IL1RAPL2: variants seen among roughly 807,000 people sequenced by gnomAD.
IL1RAPL2 encodes the protein X-linked interleukin-1 receptor accessory protein-like 2.
IL1RAPL2 carries 3 observed loss-of-function variants against 44.1 expected under a neutral mutation model. The ratio of observed to expected loss-of-function variants is 0.07; its 90% CI spans 0.03 to 0.18. IL1RAPL2 has a LOEUF of 0.18. Among genes scored for constraint, IL1RAPL2 ranks in the 10% least tolerant of loss-of-function variants. The probability of loss-of-function intolerance (pLI) is 1.00; values close to 1 mark genes in which losing one functional copy is unlikely to be tolerated. For missense variants in IL1RAPL2, 391 were observed against 496.4 expected, an observed-to-expected ratio of 0.79 and a Z score of 2.02; for synonymous variants, 181 against 178.8, an observed-to-expected ratio of 1.01 and a Z score of -0.10.
intron 5 of IL1RAPL2, among the ~76,000 whole-genome samples, chrX:105,373,929 G>T (rs906412546): frequency 5.5e-5 from 6 of 109,115 alleles, no homozygotes; most frequent in African/African-American, 2.0e-4. Flanking sequence ...GACCAGCCTG[G>T]CCATCCTGGT....
chrX:105,394,470 A>G (rs943650206), intron 5 of IL1RAPL2, among the ~76,000 whole-genome samples: 1 of 111,354 alleles, frequency 9.0e-6, no homozygotes, highest in Non-Finnish European at 1.9e-5. Flanking sequence ...GTCAACTGGC[A>G]TTATATTAGT....
At chrX:105,190,070 CAA>C (rs2033620841) in intron 2 of IL1RAPL2, among the ~76,000 whole-genome samples, 2 of 111,810 alleles carry the variant, frequency 1.8e-5, no homozygotes, top group South Asian at 7.5e-4. Context: ...GTGGAAATAA[CAA>C]GAGTCCCTCC....
chrX:105,090,985 T>A (rs2032537623), intron 2 of IL1RAPL2, among the ~76,000 whole-genome samples: 1 of 112,274 alleles, frequency 8.9e-6, no homozygotes, highest in African/African-American at 3.2e-5. Context: ...TATTGAGCTC[T>A]GCTTTGGTGG....
intron 2 of IL1RAPL2, among the ~76,000 whole-genome samples, chrX:104,842,503 T>C (rs953550207): frequency 1.8e-5 from 2 of 112,140 alleles, no homozygotes; most frequent in Non-Finnish European, 3.8e-5. Context: ...ATTTTTGCAC[T>C]GTTTTTCCCT....
intron 2 of IL1RAPL2, among the ~76,000 whole-genome samples, chrX:104,911,176 C>A (rs1192190584): frequency 2.7e-5 from 3 of 111,780 alleles, no homozygotes; most frequent in Admixed American, 1.9e-4. Context: ...CGCCCAAAGA[C>A]TCCAGGCTTA....
At chrX:105,494,657 T>G (rs1181521128) in intron 6 of IL1RAPL2, among the ~76,000 whole-genome samples, 3 of 110,976 alleles carry the variant, frequency 2.7e-5, no homozygotes, top group African/African-American at 9.8e-5. Flanking sequence ...GATATAAATT[T>G]TGGTCCCTTT....
At chrX:104,695,697 T>C (rs776890906) in intron 2 of IL1RAPL2, among the ~76,000 whole-genome samples, 1 of 111,146 alleles carries the variant, frequency 9.0e-6, no homozygotes. Flanking sequence ...CATCCAGATA[T>C]AATATAATAT....
intron 5 of IL1RAPL2, chrX:105,405,982 A>G (rs1202334129): frequency 1.0e-5 from 12 of 1,202,547 alleles, no homozygotes; most frequent in Non-Finnish European, 1.2e-5. Flanking sequence ...ACAGATTCTA[A>G]GCCTCCTGAG....
At chrX:105,140,026 A>G (rs1385321046) in intron 2 of IL1RAPL2, among the ~76,000 whole-genome samples, 2 of 112,087 alleles carry the variant, frequency 1.8e-5, no homozygotes, top group Admixed American at 9.4e-5. Flanking sequence ...AATGGTTCAC[A>G]TATGCTAAGG....
chrX:104,874,279 CCTCTCTCTCTCTCTCT>C (rs59789265), intron 2 of IL1RAPL2, among the ~76,000 whole-genome samples: 5 of 76,314 alleles, frequency 6.6e-5, no homozygotes, highest in South Asian at 7.0e-4. Context: ...TGTCTGTATT[CCTCTCTCTCTCTCTCT>C]CTCTCTCTCT....
At chrX:104,920,533 TC>T (rs1924605771) in intron 2 of IL1RAPL2, among the ~76,000 whole-genome samples, 1 of 98,821 alleles carries the variant, frequency 1.0e-5, no homozygotes, top group Non-Finnish European at 2.1e-5. Context: ...TCCCCTCCCC[TC>T]CCCTCTCTTG....
At chrX:105,218,148 G>T (rs1466760549) in intron 3 of IL1RAPL2, among the ~76,000 whole-genome samples, 1 of 111,429 alleles carries the variant, frequency 9.0e-6, no homozygotes, top group East Asian at 2.8e-4. Flanking sequence ...AAGAAAAGAG[G>T]TTCTGTGTAA....
At chrX:105,416,882 C>T (rs187041076) in intron 5 of IL1RAPL2, among the ~76,000 whole-genome samples, 3 of 112,266 alleles carry the variant, frequency 2.7e-5, no homozygotes, top group Non-Finnish European at 5.6e-5. Flanking sequence ...AGCAGAACAT[C>T]AAAGCTGGTT....
intron 5 of IL1RAPL2, among the ~76,000 whole-genome samples, chrX:105,375,826 C>G (rs1285533635): frequency 8.9e-6 from 1 of 111,794 alleles, no homozygotes; most frequent in Admixed American, 9.6e-5. Context: ...TTATTGTTCT[C>G]TAGTTTTTTC....
chrX:105,419,223 A>G (rs905030398), intron 5 of IL1RAPL2, among the ~76,000 whole-genome samples: 1 of 111,880 alleles, frequency 8.9e-6, no homozygotes. Context: ...TCATACTGGT[A>G]CATTTTTCCA....
chrX:105,010,894 A>T (rs957245330), intron 2 of IL1RAPL2, among the ~76,000 whole-genome samples: 7 of 111,640 alleles, frequency 6.3e-5, no homozygotes, highest in Non-Finnish European at 1.3e-4. Flanking sequence ...ACAGCTCCAT[A>T]GTAGAGACTA....
chrX:105,057,618 G>C (rs2032010869), intron 2 of IL1RAPL2, among the ~76,000 whole-genome samples: 1 of 111,071 alleles, frequency 9.0e-6, no homozygotes, highest in African/African-American at 3.3e-5. Context: ...TATAATGAAG[G>C]AAACAGCAGG....
At chrX:104,886,926 A>T (rs1204069753) in intron 2 of IL1RAPL2, among the ~76,000 whole-genome samples, 1 of 112,143 alleles carries the variant, frequency 8.9e-6, no homozygotes. Flanking sequence ...AACCTCATGC[A>T]AGCAGGCTAC....
intron 3 of IL1RAPL2, among the ~76,000 whole-genome samples, chrX:105,203,773 G>A (rs1556148733): frequency 9.0e-6 from 1 of 111,626 alleles, no homozygotes; most frequent in Non-Finnish European, 1.9e-5. Flanking sequence ...GACTTCCAGA[G>A]AATAGTACTC....
Sources: allele counts gnomAD v4.1 joint callset (sites outside exome capture counted in the v4.1 genomes callset), GRCh38; gene constraint gnomAD v4.1.1; transcripts MANE v1.5; gene names NCBI Gene and HGNC (gene_info 2026-07-23, HGNC 2026-07-21).